Variants in KMT2C observed in about 807,000 individuals in gnomAD.
KMT2C encodes the protein lysine methyltransferase 2C.
In KMT2C, 88 loss-of-function variants were observed where a neutral mutation model predicts 507.9. That is an observed-to-expected ratio of 0.17 (90% CI 0.15 to 0.21). KMT2C has a LOEUF of 0.21. Among genes scored for constraint, KMT2C ranks in the 10% least tolerant of loss-of-function variants. The pLI is 1.00. For missense variants in KMT2C, 4,954 were observed against 5,957.8 expected (o/e 0.83, Z 5.55); for synonymous variants, 2,049 against 2,080.8 (o/e 0.98, Z 0.42).
intron 4 of KMT2C, among the ~76,000 whole-genome samples, chr7:152,313,063 T>C (rs557883738): frequency 2.0e-4 from 30 of 152,306 alleles, no homozygotes; most frequent in African/African-American, 7.0e-4. Context: ...AATGTTTTTA[T>C]GTTCAGCATT....
At chr7:152,192,786 AAGG>A (rs2093841928) in intron 31 of KMT2C, among the ~76,000 whole-genome samples, 1 of 152,228 alleles carries the variant, frequency 6.6e-6, no homozygotes, top group Non-Finnish European at 1.5e-5. Context: ...TACACAAGAA[AAGG>A]AGAAGATATC....
At position 152,252,530 on chromosome 7, in the gene KMT2C, A is replaced by G. The variant is rs745568620; in HGVS notation, c.1469+16T>C. On this transcript the variant is annotated intron_variant, in intron 10 of 58. Coordinates refer to ENST00000262189, the MANE Select transcript of KMT2C (RefSeq NM_170606.3). ...ACAATCGACAAAACAACTGAATAGAATAACTATCTTCTTACCTTTTGCACA... is the reference window on the plus strand; with the variant it reads ...ACAATCGACAAAACAACTGAATAGAGTAACTATCTTCTTACCTTTTGCACA... 121 of 1,601,316 alleles carry G rather than the reference A, an allele frequency of 7.6e-5. No homozygotes were observed. The South Asian group carries it at 1.0e-3, about 14-fold the overall frequency.
At chr7:152,412,144 G>GTT (rs1425446330) in intron 1 of KMT2C, among the ~76,000 whole-genome samples, 3 of 152,168 alleles carry the variant, frequency 2.0e-5, no homozygotes, top group Non-Finnish European at 4.4e-5. Context: ...GCTCATGCCT[G>GTT]TAATCCCAGC....
chr7:152,408,090 C>T (rs2097639554), intron 1 of KMT2C, among the ~76,000 whole-genome samples: 1 of 152,086 alleles, frequency 6.6e-6, no homozygotes, highest in Admixed American at 6.5e-5. Context: ...GAGTTCGAGA[C>T]CAGCCTGGCC....
rs1344269507 is a variant in KMT2C, at chr7:152,307,191, GAGGGAGGAAGGAAGGA to G, written c.849+2759_849+2774del. ...GAAAGAAGAGGAAGGAAGGAAAGAA[GAGGGAGGAAGGAAGGA>G]AGGAAGGAAGGAAGGAAGGAAGGAA... On this transcript the variant is annotated intron_variant, in intron 6 of 58. Coordinates refer to ENST00000262189, the MANE Select transcript of KMT2C (RefSeq NM_170606.3). Among the ~76,000 whole-genome samples, 693 of 88,206 alleles carry G rather than the reference GAGGGAGGAAGGAAGGA, an allele frequency of 7.9e-3. 7 individuals carry two copies. Among genetic ancestry groups the G allele is most frequent in the South Asian group, 0.011 (26 of 2,264 alleles). 57.9% of individuals were successfully genotyped at this position (88,206 alleles called of 152,430 possible).
rs1157026843 is a variant in KMT2C at position 152,215,696 on chromosome 7, CACAT to C, written c.3712+4823_3712+4826del. Among the ~76,000 whole-genome samples the C allele has an allele frequency of 1.9e-3, 248 of 132,540 alleles. 9 individuals are homozygous for C. Among genetic ancestry groups the C allele is most frequent in the African/African-American group, 8.5e-3 (233 of 27,324 alleles). 87.0% of individuals were successfully genotyped at this position (132,540 alleles called of 152,430 possible). A position where few individuals can be genotyped will look rare whatever the true frequency, so the allele number is the denominator to read the frequency against. Reference sequence around the variant, plus strand: ...AACAAAATATATATATATACACACACACATACACACACAAAATATATATATATAC... The same window carrying C: ...AACAAAATATATATATATACACACACACACACACAAAATATATATATATAC... On this transcript the variant is annotated intron_variant, in intron 23 of 58. Transcript: ENST00000262189.
chr7:152,195,261 G>A (rs1045306287), intron 28 of KMT2C, among the ~76,000 whole-genome samples: 5 of 151,828 alleles, frequency 3.3e-5, no homozygotes, highest in South Asian at 2.1e-4. Context: ...CTAGCTCTAC[G>A]ACATTTAGGT....
intron 2 of KMT2C, among the ~76,000 whole-genome samples, chr7:152,352,218 C>G (rs1401344733): frequency 6.6e-6 from 1 of 152,168 alleles, no homozygotes; most frequent in African/African-American, 2.4e-5. Flanking sequence ...GTAGCGCTCC[C>G]AGGCTTATTA....
chr7:152,139,285 C>T (rs1180701014), intron 56 of KMT2C, 26 bp from the exon 57 acceptor site: 1 of 1,607,814 alleles, frequency 6.2e-7, no homozygotes, highest in Admixed American at 1.7e-5. Flanking sequence ...GTCAGTAAGT[C>T]ATCAATGTCG....
At position 152,178,029 on chromosome 7, in the gene KMT2C, A is replaced by T. The variant is rs764688358; in HGVS notation, c.7443-19T>A. On this transcript the variant is annotated intron_variant, in intron 37 of 58. Coordinates refer to ENST00000262189, the MANE Select transcript of KMT2C (RefSeq NM_170606.3). ...TCCAAATCTTTTAAAAAAAAAAAAA[A>T]AAAAAAAAAAAAAGCAAATAGGTAT... 1.3e-5 allele frequency: 18 copies of T among 1,394,034 alleles called. No individual in the cohort carries two copies. The South Asian group carries it at 1.7e-4, about 13-fold the overall frequency. 86.4% of individuals were successfully genotyped at this position (1,394,034 alleles called of 1,614,324 possible).
intron 55 of KMT2C, among the ~76,000 whole-genome samples, chr7:152,141,285 C>T (rs1440088646): frequency 6.6e-6 from 1 of 152,060 alleles, no homozygotes; most frequent in African/African-American, 2.4e-5. Context: ...GATGGCACCA[C>T]TGCACTCCAG....
chr7:152,172,266 C>T (rs1431381170), intron 39 of KMT2C, among the ~76,000 whole-genome samples: 1 of 152,158 alleles, frequency 6.6e-6, no homozygotes, highest in Admixed American at 6.5e-5. Context: ...GGGACTATCA[C>T]TTCCATTTCT....
chr7:152,164,252 T>C (rs540139379), intron 42 of KMT2C, among the ~76,000 whole-genome samples: 1 of 152,262 alleles, frequency 6.6e-6, no homozygotes, highest in Non-Finnish European at 1.5e-5. Flanking sequence ...ACCATTTAAA[T>C]GTTAAGATTT....
intron 1 of KMT2C, among the ~76,000 whole-genome samples, chr7:152,364,709 A>G (rs911752243): frequency 3.3e-5 from 5 of 152,112 alleles, no homozygotes; most frequent in African/African-American, 1.2e-4. Flanking sequence ...ATCCCTAAAG[A>G]CATAACAAAA....
chr7:152,184,726 T>C (rs2093568252), intron 34 of KMT2C, among the ~76,000 whole-genome samples: 1 of 152,134 alleles, frequency 6.6e-6, no homozygotes, highest in East Asian at 1.9e-4. Context: ...TTATAGAAAA[T>C]GTCACAGTAT....
intron 3 of KMT2C, among the ~76,000 whole-genome samples, chr7:152,324,513 T>A (rs2096806660): frequency 6.6e-6 from 1 of 151,874 alleles, no homozygotes; most frequent in South Asian, 2.1e-4. Context: ...AATGTATATG[T>A]TCTGAGAAAA....
intron 6 of KMT2C, among the ~76,000 whole-genome samples, chr7:152,307,499 T>G (rs1412002811): frequency 6.6e-6 from 1 of 152,028 alleles, no homozygotes; most frequent in Admixed American, 6.6e-5. Context: ...AGGTAAAGAT[T>G]TGACAGAGTT....
At chr7:152,216,889 G>A (rs865883702) in intron 23 of KMT2C, among the ~76,000 whole-genome samples, 7 of 152,180 alleles carry the variant, frequency 4.6e-5, no homozygotes, top group African/African-American at 1.2e-4. Flanking sequence ...AATAGCTCAC[G>A]GTTACTGAGC....
intron 55 of KMT2C, among the ~76,000 whole-genome samples, chr7:152,143,875 T>G (rs1356556098): frequency 6.6e-6 from 1 of 152,168 alleles, no homozygotes; most frequent in Non-Finnish European, 1.5e-5. Context: ...AAAGATACTT[T>G]GCTGGCTGCT....
Sources: allele counts gnomAD v4.1 joint callset (sites outside exome capture counted in the v4.1 genomes callset), GRCh38; gene constraint gnomAD v4.1.1; transcripts MANE v1.5; gene names NCBI Gene and HGNC (gene_info 2026-07-23, HGNC 2026-07-21).